SYN3: variants seen among roughly 807,000 people sequenced by gnomAD.
The protein encoded by SYN3 is synapsin III.
A neutral mutation model predicts 65.8 loss-of-function variants in SYN3; 35 were observed. The ratio of observed to expected loss-of-function variants is 0.53; its 90% CI spans 0.41 to 0.70. The LOEUF is 0.70. SYN3 is among the 30% of genes least tolerant of loss of function. The probability of loss-of-function intolerance (pLI) is 0.00; values close to 1 mark genes in which losing one functional copy is unlikely to be tolerated. For synonymous variants in SYN3, 270 were observed against 292.9 expected (o/e 0.92, Z 0.80); for missense variants, 680 against 749.0 (o/e 0.91, Z 1.08).
At chr22:32,910,355 C>T (rs1411084184) in intron 4 of SYN3, among the ~76,000 whole-genome samples, 1 of 152,016 alleles carries the variant, frequency 6.6e-6, no homozygotes, top group Non-Finnish European at 1.5e-5. Flanking sequence ...GCACCCCGTA[C>T]CCCCAAAAAG....
chr22:32,578,208 C>G (rs2058881904), intron 7 of SYN3, among the ~76,000 whole-genome samples: 1 of 150,664 alleles, frequency 6.6e-6, no homozygotes. Flanking sequence ...CTCTCTCTTT[C>G]TTTTTCTTTC....
At chr22:32,791,623 T>C (rs1384722404) in intron 6 of SYN3, among the ~76,000 whole-genome samples, 1 of 151,114 alleles carries the variant, frequency 6.6e-6, no homozygotes. Context: ...GGCAGAGTGG[T>C]GGGGTAGTTA....
intron 6 of SYN3, among the ~76,000 whole-genome samples, chr22:32,713,937 T>C (rs536964586): frequency 6.6e-6 from 1 of 151,890 alleles, no homozygotes; most frequent in Non-Finnish European, 1.5e-5. Flanking sequence ...ACAAATCCCC[T>C]TGGAGTGACC....
rs968832447 is a variant in SYN3 at position 32,509,337 on chromosome 22, C to G, written c.*4355G>C. Among the ~76,000 whole-genome samples the G allele has an allele frequency of 2.6e-5, 4 of 152,212 alleles. 1 individual carries two copies. In the East Asian group the frequency reaches 7.7e-4, roughly 29 times the overall value. On this transcript the variant is annotated 3_prime_UTR_variant, in exon 14 of 14. Transcript: ENST00000358763. ...CTCTCTCTGGCTCAAAGTTGTGAAA[C>G]AAAGCAAGAAAAACAACAAACATAA...
intron 3 of SYN3, among the ~76,000 whole-genome samples, chr22:32,937,507 C>T (rs1456696283): frequency 3.3e-5 from 5 of 151,940 alleles, no homozygotes; most frequent in Non-Finnish European, 7.4e-5. Context: ...GGTGGAAGGC[C>T]AAGGGGGAAG....
intron 6 of SYN3, among the ~76,000 whole-genome samples, chr22:32,642,542 G>A (rs1363814656): frequency 1.3e-5 from 2 of 151,740 alleles, no homozygotes; most frequent in East Asian, 3.9e-4. Context: ...CTGGGTTCAC[G>A]CTATTCTCCT....
chr22:32,842,985 A>G (rs572230352), intron 6 of SYN3, among the ~76,000 whole-genome samples: 1 of 152,190 alleles, frequency 6.6e-6, no homozygotes, highest in Non-Finnish European at 1.5e-5. Flanking sequence ...TCTGCAGTGA[A>G]AGTGGGGAAT....
At chr22:32,641,207 G>T (rs1336496579) in intron 6 of SYN3, among the ~76,000 whole-genome samples, 1 of 152,202 alleles carries the variant, frequency 6.6e-6, no homozygotes, top group African/African-American at 2.4e-5. Flanking sequence ...TCTGACTTGT[G>T]ATCTGAACCG....
At chr22:32,866,897 G>T (rs767304017) in intron 5 of SYN3, among the ~76,000 whole-genome samples, 1 of 152,138 alleles carries the variant, frequency 6.6e-6, no homozygotes, top group African/African-American at 2.4e-5. Context: ...GGTATCTAAG[G>T]CAGTGAAAAT....
At chr22:32,640,562 T>C (rs1601818762) in intron 6 of SYN3, among the ~76,000 whole-genome samples, 1 of 152,196 alleles carries the variant, frequency 6.6e-6, no homozygotes, top group Admixed American at 6.5e-5. Context: ...CTCCTCACAG[T>C]CTTCATAAAT....
At chr22:32,593,073 G>A (rs1018878440) in intron 7 of SYN3, among the ~76,000 whole-genome samples, 5 of 152,134 alleles carry the variant, frequency 3.3e-5, no homozygotes, top group African/African-American at 7.2e-5. Flanking sequence ...GAAGGTAAAC[G>A]TACCACAGGT....
intron 4 of SYN3, among the ~76,000 whole-genome samples, chr22:32,899,271 C>T (rs1445619283): frequency 6.6e-6 from 1 of 152,170 alleles, no homozygotes; most frequent in Non-Finnish European, 1.5e-5. Flanking sequence ...TGGACTGAGC[C>T]AGTGCACAAT....
intron 4 of SYN3, among the ~76,000 whole-genome samples, chr22:32,923,033 T>C (rs1313881227): frequency 2.0e-5 from 3 of 152,212 alleles, no homozygotes; most frequent in African/African-American, 2.4e-5. Flanking sequence ...TTACAGAGGC[T>C]GACAAGTTCC....
At chr22:32,620,801 C>T (rs1230512724) in intron 6 of SYN3, among the ~76,000 whole-genome samples, 5 of 152,048 alleles carry the variant, frequency 3.3e-5, no homozygotes, top group Non-Finnish European at 7.3e-5. Context: ...CTCACTGCAA[C>T]CTCCGCCTCC....
intron 4 of SYN3, among the ~76,000 whole-genome samples, chr22:32,886,675 A>G (rs1206879771): frequency 6.6e-6 from 1 of 152,212 alleles, no homozygotes; most frequent in Non-Finnish European, 1.5e-5. Flanking sequence ...GTGTCCCTCT[A>G]CTGTCAATCC....
rs2162510 is a variant in SYN3 at position 32,885,804 on chromosome 22, G to A, written c.462-16679C>T. On this transcript the variant is annotated intron_variant, in intron 4 of 13. Coordinates refer to ENST00000358763, the MANE Select transcript of SYN3 (RefSeq NM_003490.4). Reference sequence around the variant, plus strand: ...TGGAACTCCTGACTTAAGGTGATCCGCCCACCTCTGCCTCCCAAAGTGCTG... The same window carrying A: ...TGGAACTCCTGACTTAAGGTGATCCACCCACCTCTGCCTCCCAAAGTGCTG... Among the ~76,000 whole-genome samples, 396 of 152,108 alleles carry A rather than the reference G, an allele frequency of 2.6e-3. 5 individuals are homozygous for A. Among genetic ancestry groups the A allele is most frequent in the Admixed American group, 0.024 (365 of 15,274 alleles).
At chr22:32,909,619 C>T (rs889004499) in intron 4 of SYN3, among the ~76,000 whole-genome samples, 4 of 135,000 alleles carry the variant, frequency 3.0e-5, no homozygotes, top group Non-Finnish European at 4.8e-5. Flanking sequence ...CTGCCACCCC[C>T]GCCCCCCCAC....
chr22:32,519,467 T>C (rs578000111), intron 12 of SYN3: 2 of 152,308 alleles, frequency 1.3e-5, no homozygotes, highest in Admixed American at 6.5e-5. Flanking sequence ...GTAGGGAAGA[T>C]ACCATTCTTC....
intron 6 of SYN3, among the ~76,000 whole-genome samples, chr22:32,661,496 TTTC>T (rs1169691729): frequency 6.6e-6 from 1 of 152,260 alleles, no homozygotes; most frequent in Non-Finnish European, 1.5e-5. Flanking sequence ...TTTTCTTTCC[TTTC>T]TTACTTACTT....
Sources: gnomAD v4.1 joint callset for allele counts (sites outside exome capture counted in the v4.1 genomes callset) on GRCh38, gnomAD v4.1.1 for gene constraint, MANE v1.5 for transcripts, NCBI Gene and HGNC (gene_info 2026-07-23, HGNC 2026-07-21) for gene names.